Variants in DYNLT2 observed in about 807,000 individuals in gnomAD.
DYNLT2 encodes dynein light chain Tctex-type protein 2.
In DYNLT2, 24 loss-of-function variants were observed where a neutral mutation model predicts 24.3. That is an observed-to-expected ratio of 0.99 (90% CI 0.71 to 1.39). The LOEUF is 1.39. Among genes scored for constraint, DYNLT2 ranks in the 40% most tolerant of loss-of-function variants. The probability of loss-of-function intolerance (pLI) is 0.00; values close to 1 mark genes in which losing one functional copy is unlikely to be tolerated. For missense variants in DYNLT2, 246 were observed against 234.5 expected (o/e 1.05, Z -0.32); for synonymous variants, 85 against 85.4 (o/e 1.00, Z 0.03).
intron 3 of DYNLT2, among the ~76,000 whole-genome samples, chr6:169,741,648 T>C (rs1183800766): frequency 6.6e-6 from 1 of 152,146 alleles, no homozygotes; most frequent in African/African-American, 2.4e-5. Context: ...ACTTGTTACA[T>C]ATCAAGCACT....
downstream of DYNLT2, among the ~76,000 whole-genome samples, chr6:169,736,180 C>T (rs1161642655): frequency 6.7e-6 from 1 of 150,126 alleles, no homozygotes; most frequent in Non-Finnish European, 1.5e-5. Flanking sequence ...GTAAATTTTC[C>T]TCCTTCCCTT....
At chr6:169,725,375 G>A in the DYNLT2 span, 2 of 398,184 alleles carry the variant, frequency 5.0e-6, no homozygotes, top group African/African-American at 2.1e-5. Context: ...GCGTCACATT[G>A]ACAAACACCG....
rs1216804865 is a variant in DYNLT2 at position 169,751,432 on chromosome 6, C to T, written c.27G>A (p.Lys9=). MEKRGRGV[K]SSPIQTPNQT... is the part of the protein sequence containing the mutation. ...GGTTCGGGGTCTGGATGGGGCTCGACTTCACGCCTCGGCCTCGCTTCTCCA... is the reference window on the plus strand; with the variant it reads ...GGTTCGGGGTCTGGATGGGGCTCGATTTCACGCCTCGGCCTCGCTTCTCCA... The change falls in exon 1 of 4, where the codon AAG becomes AAA. Residue 9 remains lysine, a synonymous_variant. Coordinates refer to ENST00000366774, the MANE Select transcript of DYNLT2 (RefSeq NM_174910.3). The T allele has an allele frequency of 6.2e-7, 1 of 1,614,028 alleles. No homozygotes were observed. The highest frequency in any genetic ancestry group is 1.3e-5 in the African/African-American group (1 of 74,944).
At chr6:169,748,679 T>G (rs921887563) in intron 1 of DYNLT2, among the ~76,000 whole-genome samples, 15 of 152,200 alleles carry the variant, frequency 9.9e-5, no homozygotes, top group African/African-American at 3.4e-4. Flanking sequence ...AGGCAGTGAT[T>G]GGGACCTTCC....
chr6:169,731,851 T>C, the DYNLT2 span, among the ~76,000 whole-genome samples: 1 of 152,222 alleles, frequency 6.6e-6, no homozygotes, highest in East Asian at 1.9e-4. Context: ...AAAGGTAATT[T>C]GGATGTGTCA....
the DYNLT2 span, among the ~76,000 whole-genome samples, chr6:169,734,538 G>A: frequency 5.3e-5 from 8 of 152,226 alleles, no homozygotes; most frequent in African/African-American, 1.7e-4. Flanking sequence ...CATCTATTGA[G>A]ATAATCATGT....
At chr6:169,741,872 A>C in intron 3 of DYNLT2, among the ~76,000 whole-genome samples, 1 of 151,966 alleles carries the variant, frequency 6.6e-6, no homozygotes, top group East Asian at 1.9e-4. Context: ...CCTATTTCTT[A>C]AGTCTGTATG....
the DYNLT2 span, among the ~76,000 whole-genome samples, chr6:169,726,576 A>G: frequency 6.6e-6 from 1 of 152,234 alleles, no homozygotes. Flanking sequence ...GGGAGGTACT[A>G]TGATGTAATG....
chr6:169,725,931 T>A, the DYNLT2 span: 2 of 152,284 alleles, frequency 1.3e-5, no homozygotes, highest in Non-Finnish European at 2.9e-5. Flanking sequence ...TACTGATCTT[T>A]GTAGCCAAGG....
chr6:169,729,837 G>A, the DYNLT2 span, among the ~76,000 whole-genome samples: 1,836 of 144,080 alleles, frequency 0.013, 27 homozygotes, highest in African/African-American at 0.045. Flanking sequence ...GACATAACCA[G>A]GAAGAGGGCC....
Position 169,751,571 on chromosome 6 carries a change from G to C in DYNLT2, c.-113C>G, listed in dbSNP as rs958302650. ...CCACCTGCGCCTCGTACGGTAGGAA[G>C]TGCCCGCCAGGGCTCCAAAGCGCCT... is the stretch of plus-strand genomic sequence containing the variant. On this transcript the variant is annotated 5_prime_UTR_variant, in exon 1 of 4. Coordinates refer to ENST00000366774, the MANE Select transcript of DYNLT2 (RefSeq NM_174910.3). 1.2e-6 allele frequency: 2 copies of C among 1,607,626 alleles called. No homozygotes were observed. The highest frequency in any genetic ancestry group is 1.7e-6 in the Non-Finnish European group (2 of 1,177,418).
chr6:169,725,152 A>T, the DYNLT2 span: 4 of 398,524 alleles, frequency 1.0e-5, no homozygotes, highest in Non-Finnish European at 1.8e-5. Context: ...GACCGCACTA[A>T]AAACAGCGGA....
At chr6:169,745,382 A>G (rs1057089551) in intron 1 of DYNLT2, among the ~76,000 whole-genome samples, 17 of 152,160 alleles carry the variant, frequency 1.1e-4, no homozygotes, top group Non-Finnish European at 2.1e-4. Context: ...GATTACAGAC[A>G]TGAGCCACTG....
chr6:169,725,646 G>C, the DYNLT2 span: 1 of 211,982 alleles, frequency 4.7e-6, no homozygotes, highest in Non-Finnish European at 9.0e-6. Context: ...TTTTTTTTAA[G>C]AAAAAAAACA....
intron 1 of DYNLT2, among the ~76,000 whole-genome samples, chr6:169,746,572 A>G (rs909851814): frequency 2.0e-5 from 3 of 152,102 alleles, no homozygotes; most frequent in Non-Finnish European, 2.9e-5. Context: ...TATTTTGTCA[A>G]CTACAGCCCT....
In DYNLT2 at chr6:169,744,198, G is replaced by A; in HGVS notation, c.197C>T (p.Ser66Leu). The part of the protein sequence containing the change: ...VQYVEPPFDD[S>L]IADIGKEWKS... ...CCATTCTTTACCTATATCAGCAATT[G>A]AGTCATCAAAAGGAGGCTCCACATA... Residue 66 changes from serine to leucine, a missense_variant, in exon 2 of 4, where the codon TCA (serine) becomes TTA (leucine). Ser to Leu is a moderately radical substitution (Grantham distance 145). Coordinates refer to ENST00000366774, the MANE Select transcript of DYNLT2 (RefSeq NM_174910.3). 1 of 1,613,640 alleles carries A rather than the reference G, an allele frequency of 6.2e-7. No individual in the cohort carries two copies. The highest frequency in any genetic ancestry group is 8.5e-7 in the Non-Finnish European group (1 of 1,179,966).
At chr6:169,730,163 T>C in the DYNLT2 span, among the ~76,000 whole-genome samples, 2 of 152,310 alleles carry the variant, frequency 1.3e-5, no homozygotes, top group Non-Finnish European at 2.9e-5. Context: ...AAGTGAAAAT[T>C]GCACAGTGCA....
At chr6:169,740,801 A>G (rs1219133920) in intron 3 of DYNLT2, among the ~76,000 whole-genome samples, 1 of 135,542 alleles carries the variant, frequency 7.4e-6, no homozygotes, top group African/African-American at 3.4e-5. Flanking sequence ...AGGATCTAAA[A>G]TGGCCCCAAT....
chr6:169,748,767 G>T (rs1789870931), intron 1 of DYNLT2, among the ~76,000 whole-genome samples: 1 of 152,160 alleles, frequency 6.6e-6, no homozygotes, highest in South Asian at 2.1e-4. Flanking sequence ...GATTCTTAAG[G>T]AAATGGGGCA....
Sources: allele counts gnomAD v4.1 joint callset (sites outside exome capture counted in the v4.1 genomes callset), GRCh38; gene constraint gnomAD v4.1.1; transcripts MANE v1.5; gene names NCBI Gene and HGNC (gene_info 2026-07-23, HGNC 2026-07-21).